The following ANK3 variants were observed in gnomAD, a reference collection of about 807,000 sequenced individuals.
ANK3 encodes the protein ankyrin 3.
Under a neutral mutation model 370.9 loss-of-function variants are expected in ANK3, and 57 were observed. The ratio of observed to expected loss-of-function variants is 0.15; its 90% CI spans 0.12 to 0.19. ANK3 has a LOEUF of 0.19. Ranked by LOEUF, ANK3 falls within the 10% of genes least tolerant of loss-of-function variation. ANK3 has a pLI of 1.00. For synonymous variants in ANK3, 1,929 were observed against 1,946.3 expected (o/e 0.99, Z 0.23); for missense variants, 4,439 against 5,302.1 (o/e 0.84, Z 5.06).
intron 18 of ANK3, among the ~76,000 whole-genome samples, chr10:60,177,717 C>A (rs1206230414): frequency 6.6e-6 from 1 of 151,262 alleles, no homozygotes; most frequent in African/African-American, 2.4e-5. Flanking sequence ...TCTGCCTCAG[C>A]CTCCCGAGTA....
intron 1 of ANK3, among the ~76,000 whole-genome samples, chr10:60,330,199 G>A (rs1211230280): frequency 2.0e-5 from 3 of 152,122 alleles, no homozygotes; most frequent in Non-Finnish European, 4.4e-5. Context: ...GAAAACCTAG[G>A]CAATACCATT....
intron 1 of ANK3, among the ~76,000 whole-genome samples, chr10:60,631,395 G>A (rs576950371): frequency 7.2e-5 from 11 of 152,198 alleles, no homozygotes; most frequent in Admixed American, 2.0e-4. Flanking sequence ...ATCTGGGCAT[G>A]GAGGTGCGTG....
intron 2 of ANK3, among the ~76,000 whole-genome samples, chr10:60,527,110 A>G (rs1595209864): frequency 6.6e-6 from 1 of 152,184 alleles, no homozygotes; most frequent in African/African-American, 2.4e-5. Context: ...ATTAAAAAAG[A>G]AATTGTAGAA....
chr10:60,188,490 T>G (rs2096400443), intron 16 of ANK3, among the ~76,000 whole-genome samples: 1 of 152,224 alleles, frequency 6.6e-6, no homozygotes, highest in Non-Finnish European at 1.5e-5. Context: ...TTTGGAAGTA[T>G]GATCCAAATC....
At position 60,075,110 on chromosome 10, in the gene ANK3, G is replaced by A. The variant is rs1055522716; in HGVS notation, c.5771C>T (p.Pro1924Leu). 9 of 1,613,938 alleles carry A rather than the reference G, an allele frequency of 5.6e-6. No homozygotes were observed. The highest frequency in any genetic ancestry group is 7.6e-6 in the Non-Finnish European group (9 of 1,179,994). ...TTCAGGTTGGAATGGCTTCTCCTCA[G>A]GCACATCTGTCTGTAGTATTGCGGT... ...RMTAILQTDV[P>L]EEKPFQPELP... Residue 1924 changes from proline to leucine, a missense_variant, in exon 37 of 44, where the codon CCT (proline) becomes CTT (leucine). By Grantham distance (98) the Pro-to-Leu change is moderately conservative. This residue lies in a region of ANK3 where 679 missense variants were observed against 791.0 expected (regional missense o/e 0.86). Coordinates refer to ENST00000280772, the MANE Select transcript of ANK3 (RefSeq NM_020987.5).
Position 60,499,730 on chromosome 10 carries a change from G to T in ANK3, c.96+115456C>A, listed in dbSNP as rs1023834944. Reference sequence around the variant, plus strand: ...CAACTCAAAAATAACAAAAAGGAAGGCTTGGCCATGCTTGGTGAAATGTTA... The same window carrying T: ...CAACTCAAAAATAACAAAAAGGAAGTCTTGGCCATGCTTGGTGAAATGTTA... On this transcript the variant is annotated intron_variant, in intron 2 of 43. Coordinates refer to the ANK3 transcript ENST00000373827. Among the ~76,000 whole-genome samples, 4 of 152,230 alleles carry T rather than the reference G, an allele frequency of 2.6e-5. No homozygotes were observed. The East Asian group carries it at 7.7e-4, about 29-fold the overall frequency.
intron 1 of ANK3, among the ~76,000 whole-genome samples, chr10:60,715,490 G>T (rs188530938): frequency 3.1e-4 from 47 of 152,222 alleles, no homozygotes; most frequent in Admixed American, 7.2e-4. Flanking sequence ...TCAGCATAAA[G>T]TATCTAAGAC....
chr10:60,524,058 C>T (rs971771735), intron 2 of ANK3, among the ~76,000 whole-genome samples: 2 of 152,054 alleles, frequency 1.3e-5, no homozygotes, highest in African/African-American at 2.4e-5. Flanking sequence ...TCTATTCCTT[C>T]TGGCCTCTCC....
intron 2 of ANK3, among the ~76,000 whole-genome samples, chr10:60,533,407 C>T (rs2076652790): frequency 6.6e-6 from 1 of 152,098 alleles, no homozygotes; most frequent in South Asian, 2.1e-4. Context: ...AAGAAGTGCT[C>T]CAGGCTCTCC....
intron 1 of ANK3, among the ~76,000 whole-genome samples, chr10:60,712,380 A>G (rs2079722014): frequency 6.6e-6 from 1 of 152,236 alleles, no homozygotes; most frequent in Non-Finnish European, 1.5e-5. Flanking sequence ...CCTCTGTTAT[A>G]AGGCACTTGT....
At chr10:60,284,247 G>A (rs2098210709) in intron 1 of ANK3, among the ~76,000 whole-genome samples, 1 of 152,162 alleles carries the variant, frequency 6.6e-6, no homozygotes, top group African/African-American at 2.4e-5. Context: ...AGTCTTTAGA[G>A]GAAGTGTGAT....
At chr10:60,681,871 G>T (rs2079200145) in intron 1 of ANK3, among the ~76,000 whole-genome samples, 1 of 152,164 alleles carries the variant, frequency 6.6e-6, no homozygotes, top group South Asian at 2.1e-4. Flanking sequence ...ATAACTACCA[G>T]CTGGACACAG....
chr10:60,167,776 A>T lies in ANK3; in HGVS notation c.2479-880T>A, dbSNP rs576353943. 2.4e-3 allele frequency among the ~76,000 whole-genome samples: 369 copies of T among 152,312 alleles called. 4 individuals carry two copies. Among genetic ancestry groups the T allele is most frequent in the African/African-American group, 8.4e-3 (350 of 41,562 alleles). Reference sequence around the variant, plus strand: ...AAAGCCAGGTTGTTAAAACTAAAAAAAGGTACAAATTCATAGTTTCTTAGA... The same window carrying T: ...AAAGCCAGGTTGTTAAAACTAAAAATAGGTACAAATTCATAGTTTCTTAGA... On this transcript the variant is annotated intron_variant, in intron 21 of 43. Transcript: ENST00000280772.
At chr10:60,033,525 A>AC (rs1564513580) in intron 43 of ANK3, among the ~76,000 whole-genome samples, 1 of 147,830 alleles carries the variant, frequency 6.8e-6, no homozygotes, top group Non-Finnish European at 1.5e-5. Flanking sequence ...AAAAAAAAAA[A>AC]AAAAAAAAAA....
At chr10:60,418,903 CA>C (rs1337949788) in intron 2 of ANK3, among the ~76,000 whole-genome samples, 1 of 152,022 alleles carries the variant, frequency 6.6e-6, no homozygotes, top group Non-Finnish European at 1.5e-5. Context: ...TTAAACTGAT[CA>C]AAACCGAGAT....
At chr10:60,608,980 T>A (rs188354386) in intron 2 of ANK3, among the ~76,000 whole-genome samples, 1 of 152,304 alleles carries the variant, frequency 6.6e-6, no homozygotes, top group African/African-American at 2.4e-5. Context: ...TAAGCCCTCA[T>A]GATTTTCTAT....
chr10:60,148,133 C>CA (rs1261425217), intron 23 of ANK3, among the ~76,000 whole-genome samples: 2 of 151,634 alleles, frequency 1.3e-5, no homozygotes, highest in Non-Finnish European at 2.9e-5. Context: ...TGTAGGTGGC[C>CA]AAAAAAGAAT....
At chr10:60,721,766 C>A (rs978802084) in intron 1 of ANK3, among the ~76,000 whole-genome samples, 5 of 152,148 alleles carry the variant, frequency 3.3e-5, no homozygotes, top group Admixed American at 6.5e-5. Context: ...CCTGCAGAGT[C>A]CTCATCAATT....
chr10:60,562,445 G>C (rs969399523), intron 2 of ANK3, among the ~76,000 whole-genome samples: 1 of 151,964 alleles, frequency 6.6e-6, no homozygotes, highest in Non-Finnish European at 1.5e-5. Flanking sequence ...ATGGAGTCTC[G>C]CTCTGCCTCC....
Sources: gnomAD v4.1 joint callset for allele counts (sites outside exome capture counted in the v4.1 genomes callset) on GRCh38, gnomAD v4.1.1 for gene constraint, gnomAD v4.1.1 regional missense constraint, MANE v1.5 for transcripts, NCBI Gene and HGNC (gene_info 2026-07-23, HGNC 2026-07-21) for gene names.